Variants in CNTN5 observed in about 807,000 individuals in gnomAD.
CNTN5 encodes contactin 5.
A neutral mutation model predicts 129.1 loss-of-function variants in CNTN5; 77 were observed. The ratio of observed to expected loss-of-function variants is 0.60; its 90% confidence interval spans 0.50 to 0.72. The LOEUF (loss-of-function observed/expected upper bound fraction) is 0.72, where lower values mean the gene tolerates loss of function less well. Ranked by LOEUF, CNTN5 falls within the 30% of genes least tolerant of loss-of-function variation. The pLI, the probability that CNTN5 is intolerant of heterozygous loss-of-function variation, is 0.00. For missense variants in CNTN5, 1,478 were observed against 1,328.8 expected (o/e 1.11, Z -1.75); for synonymous variants, 509 against 465.6 (o/e 1.09, Z -1.20).
intron 3 of CNTN5, among the ~76,000 whole-genome samples, chr11:99,576,179 G>A (rs1214077349): frequency 6.6e-6 from 1 of 152,224 alleles, no homozygotes; most frequent in South Asian, 2.1e-4. Flanking sequence ...GGAGAAGAGA[G>A]TGGAGGAATG....
At chr11:100,324,435 C>G (rs1433191154) in intron 21 of CNTN5, among the ~76,000 whole-genome samples, 1 of 152,126 alleles carries the variant, frequency 6.6e-6, no homozygotes, top group Non-Finnish European at 1.5e-5. Context: ...TGGTTGCAGT[C>G]TCATTTTAAT....
chr11:100,267,503 G>T (rs925341550), intron 17 of CNTN5, among the ~76,000 whole-genome samples: 3 of 152,014 alleles, frequency 2.0e-5, no homozygotes, highest in Non-Finnish European at 4.4e-5. Flanking sequence ...GAGTGGTCAG[G>T]GTATGCCTTA....
At chr11:99,346,231 A>G (rs776727715) in intron 2 of CNTN5, among the ~76,000 whole-genome samples, 2 of 152,226 alleles carry the variant, frequency 1.3e-5, no homozygotes, top group African/African-American at 2.4e-5. Flanking sequence ...GAGGCAAGCA[A>G]TAATTCTGCT....
chr11:99,945,982 A>G (rs1219110595), intron 7 of CNTN5, among the ~76,000 whole-genome samples: 6 of 151,996 alleles, frequency 3.9e-5, no homozygotes, highest in Non-Finnish European at 7.4e-5. Flanking sequence ...CTATTTTCTT[A>G]CCCTGTTCGT....
chr11:99,757,508 C>T (rs370159706), intron 3 of CNTN5, among the ~76,000 whole-genome samples: 1 of 151,354 alleles, frequency 6.6e-6, no homozygotes, highest in African/African-American at 2.4e-5. Context: ...TCACATGGAG[C>T]TGTGTGGCTC....
chr11:99,180,389 G>A (rs1055104187), intron 1 of CNTN5, among the ~76,000 whole-genome samples: 2 of 152,186 alleles, frequency 1.3e-5, no homozygotes, highest in African/African-American at 4.8e-5. Flanking sequence ...GTCTCATGAA[G>A]TTTCGGCGCA....
chr11:99,483,272 C>T (rs1945676870), intron 2 of CNTN5, among the ~76,000 whole-genome samples: 1 of 147,916 alleles, frequency 6.8e-6, no homozygotes, highest in Non-Finnish European at 1.5e-5. Context: ...TTGAGAAATT[C>T]AAGCACACAG....
rs199997328 is a variant in CNTN5 at position 100,061,205 on chromosome 11, A to G, written c.981-7A>G. 8 of 1,603,068 alleles carry G rather than the reference A, an allele frequency of 5.0e-6. No homozygotes were observed. The highest frequency in any genetic ancestry group is 6.0e-6 in the Non-Finnish European group (7 of 1,171,350). ...TGTATTAACAGTATTTTTGTTCCCT[A>G]TCGTAGCCCCGTTCCAACAATCACA... On this transcript the variant is annotated splice_polypyrimidine_tract_variant and splice_region_variant and intron_variant, in intron 9 of 24. Transcript: ENST00000524871.
chr11:100,280,441 T>C (rs931369526), intron 18 of CNTN5, among the ~76,000 whole-genome samples: 32 of 152,086 alleles, frequency 2.1e-4, no homozygotes, highest in African/African-American at 7.2e-4. Flanking sequence ...TGAACTTCTT[T>C]ATGTCTTCTT....
In CNTN5 at chr11:99,690,604, C is replaced by A. The variant is rs1165568916; in HGVS notation, c.56-128940C>A. On this transcript the variant is annotated intron_variant, in intron 3 of 24. Transcript: ENST00000524871. ...AAAACTGATTCTTCCTATCTATGAT[C>A]ATGGAATGTTTTTCTACTTGTTTGT... Among the ~76,000 whole-genome samples, 3 of 152,136 alleles carry A rather than the reference C, an allele frequency of 2.0e-5. No individual in the cohort carries two copies. The South Asian group carries it at 6.2e-4, about 31-fold the overall frequency.
At chr11:99,218,883 C>G (rs1860260202) in intron 1 of CNTN5, among the ~76,000 whole-genome samples, 1 of 152,034 alleles carries the variant, frequency 6.6e-6, no homozygotes, top group African/African-American at 2.4e-5. Flanking sequence ...ACCGCTTTCC[C>G]TGTTCTGATG....
At chr11:99,448,775 ATTTTATTTT>A (rs1944179639) in intron 2 of CNTN5, among the ~76,000 whole-genome samples, 1 of 147,428 alleles carries the variant, frequency 6.8e-6, no homozygotes, top group Non-Finnish European at 1.5e-5. Flanking sequence ...ATTTTATTTT[ATTTTATTTT>A]ATTTTATTTT....
chr11:99,791,027 G>T (rs963117548), intron 3 of CNTN5, among the ~76,000 whole-genome samples: 8 of 151,100 alleles, frequency 5.3e-5, no homozygotes, highest in Admixed American at 4.0e-4. Context: ...TACTTTTTCA[G>T]TTTCTTATAG....
chr11:100,104,668 T>C (rs1418516349), intron 13 of CNTN5, among the ~76,000 whole-genome samples: 1 of 152,188 alleles, frequency 6.6e-6, no homozygotes, highest in East Asian at 1.9e-4. Flanking sequence ...GTAAACATAC[T>C]GTTTTCCTTT....
chr11:99,888,194 T>C lies in CNTN5; in HGVS notation c.578-27860T>C, dbSNP rs114691775. Among the ~76,000 whole-genome samples, 298 of 152,344 alleles carry C rather than the reference T, an allele frequency of 2.0e-3. 1 individual carries two copies. Among genetic ancestry groups the C allele is most frequent in the African/African-American group, 6.9e-3 (286 of 41,568 alleles). ...ATTATCATCGTTCCATGCACTTATC[T>C]GTCATATAAGAGGTAGATGCTTACT... On this transcript the variant is annotated intron_variant, in intron 6 of 24. Transcript: ENST00000524871.
intron 2 of CNTN5, among the ~76,000 whole-genome samples, chr11:99,375,041 G>A (rs189701424): frequency 6.6e-6 from 1 of 152,094 alleles, no homozygotes; most frequent in Non-Finnish European, 1.5e-5. Context: ...GATGGTTCAC[G>A]CCTGTAATCC....
intron 13 of CNTN5, among the ~76,000 whole-genome samples, chr11:100,116,879 T>C: frequency 6.6e-6 from 1 of 152,004 alleles, no homozygotes; most frequent in East Asian, 1.9e-4. Context: ...AATGAAATAC[T>C]GGATAATAGC....
At chr11:99,341,112 G>A (rs541960546) in intron 2 of CNTN5, among the ~76,000 whole-genome samples, 3 of 152,126 alleles carry the variant, frequency 2.0e-5, no homozygotes, top group Middle Eastern at 3.2e-3. Context: ...AGCCTAACAA[G>A]AGATGAAACA....
chr11:99,079,241 T>C (rs968688412), intron 1 of CNTN5, among the ~76,000 whole-genome samples: 1 of 152,138 alleles, frequency 6.6e-6, no homozygotes, highest in African/African-American at 2.4e-5. Flanking sequence ...AAGACAGGAT[T>C]CTAAGATTCA....
Sources: allele counts gnomAD v4.1 joint callset (sites outside exome capture counted in the v4.1 genomes callset), GRCh38; gene constraint gnomAD v4.1.1; transcripts MANE v1.5; gene names NCBI Gene and HGNC (gene_info 2026-07-23, HGNC 2026-07-21).